The following GABRB3 variants were observed in gnomAD, a reference collection of about 807,000 sequenced individuals.
GABRB3 encodes the protein gamma-aminobutyric acid type A receptor subunit beta3, also known as gamma-aminobutyric acid receptor subunit beta-3.
In GABRB3, 14 loss-of-function variants were observed where a neutral mutation model predicts 52.1. The ratio of observed to expected loss-of-function variants is 0.27; its 90% CI spans 0.18 to 0.42. GABRB3 has a LOEUF of 0.42. Ranked by LOEUF, GABRB3 falls within the 10% of genes least tolerant of loss-of-function variation. The pLI, the probability that GABRB3 is intolerant of heterozygous loss-of-function variation, is 1.00. For missense variants in GABRB3, 307 were observed against 609.1 expected (o/e 0.50, Z 5.22); for synonymous variants, 260 against 232.3 (o/e 1.12, Z -1.08).
intron 3 of GABRB3, chr15:26,624,251 G>A: frequency 5.1e-6 from 5 of 985,740 alleles, no homozygotes; most frequent in Non-Finnish European, 6.0e-6. Context: ...GGCGTGCAAA[G>A]TTGTGGTTTC....
At chr15:26,623,665 T>A (rs1035489399) in intron 3 of GABRB3, among the ~76,000 whole-genome samples, 7 of 152,190 alleles carry the variant, frequency 4.6e-5, no homozygotes, top group African/African-American at 1.4e-4. Context: ...GCTTGCACAT[T>A]CTGGGGTCCC....
At chr15:26,762,521 A>G (rs2140185016) in intron 3 of GABRB3, among the ~76,000 whole-genome samples, 2 of 152,280 alleles carry the variant, frequency 1.3e-5, no homozygotes, top group Non-Finnish European at 2.9e-5. Flanking sequence ...ACCCCTTCAC[A>G]AAGAAAAAAA....
At chr15:26,653,336 G>T (rs1887256377) in intron 3 of GABRB3, among the ~76,000 whole-genome samples, 1 of 152,136 alleles carries the variant, frequency 6.6e-6, no homozygotes, top group Non-Finnish European at 1.5e-5. Flanking sequence ...TGGTGTTCAA[G>T]GTATTTTTCA....
At chr15:26,566,125 G>A (rs1274978124) in intron 7 of GABRB3, among the ~76,000 whole-genome samples, 1 of 152,112 alleles carries the variant, frequency 6.6e-6, no homozygotes, top group Admixed American at 6.5e-5. Flanking sequence ...AAGTCCTGGA[G>A]ATTTTTTTTC....
intron 3 of GABRB3, among the ~76,000 whole-genome samples, chr15:26,770,285 G>A (rs1891110642): frequency 1.3e-5 from 2 of 152,186 alleles, no homozygotes; most frequent in Admixed American, 1.3e-4. Flanking sequence ...ATAGGTGTGT[G>A]TTTACAGAGC....
At chr15:26,772,592 C>A (rs1482451120) in intron 2 of GABRB3, 89 bp downstream of exon 2, 5 of 1,438,366 alleles carry the variant, frequency 3.5e-6, no homozygotes, top group Non-Finnish European at 3.7e-6. Flanking sequence ...CCCGCCGCTG[C>A]TCCGCGGATG....
chr15:26,590,685 T>A (rs1257571656), intron 4 of GABRB3, among the ~76,000 whole-genome samples: 2 of 151,144 alleles, frequency 1.3e-5, no homozygotes, highest in African/African-American at 5.0e-5. Flanking sequence ...AACACATTCA[T>A]AGAACTATCC....
At chr15:26,690,628 G>C (rs1888558906) in intron 3 of GABRB3, among the ~76,000 whole-genome samples, 2 of 151,856 alleles carry the variant, frequency 1.3e-5, no homozygotes, top group African/African-American at 4.8e-5. Context: ...TTCCAGGGCA[G>C]ACGGCTGGCA....
At chr15:26,628,913 G>T in intron 3 of GABRB3, 1 of 1,457,210 alleles carries the variant, frequency 6.9e-7, no homozygotes, top group Non-Finnish European at 9.3e-7. Flanking sequence ...AGGTGTGGGG[G>T]AGTCAGGTGC....
intron 7 of GABRB3, among the ~76,000 whole-genome samples, chr15:26,562,001 ATT>A (rs1302713266): frequency 6.6e-6 from 1 of 152,168 alleles, no homozygotes; most frequent in African/African-American, 2.4e-5. Flanking sequence ...GGATGATCTC[ATT>A]GTTTCCCAAA....
chr15:26,605,010 A>T (rs1039705196), intron 4 of GABRB3, among the ~76,000 whole-genome samples: 4 of 152,272 alleles, frequency 2.6e-5, no homozygotes, highest in African/African-American at 9.6e-5. Context: ...ATATTTGCAA[A>T]CTACCCATTT....
intron 4 of GABRB3, chr15:26,615,896 A>T (rs1892237278): frequency 7.9e-7 from 1 of 1,269,520 alleles, no homozygotes; most frequent in East Asian, 5.6e-5. Context: ...TCAAGCACAT[A>T]ATCAGTAGGA....
chr15:26,751,463 T>TA (rs1890505220), intron 3 of GABRB3, among the ~76,000 whole-genome samples: 2 of 152,066 alleles, frequency 1.3e-5, no homozygotes, highest in African/African-American at 2.4e-5. Context: ...TTTCCTTCGT[T>TA]AAAAAAGGGC....
At chr15:26,706,262 C>T (rs909844270) in intron 3 of GABRB3, among the ~76,000 whole-genome samples, 2 of 152,174 alleles carry the variant, frequency 1.3e-5, no homozygotes, top group Non-Finnish European at 2.9e-5. Flanking sequence ...CAATACCCGC[C>T]TCATGCAACG....
intron 3 of GABRB3, among the ~76,000 whole-genome samples, chr15:26,674,698 T>C (rs923702007): frequency 6.6e-6 from 1 of 152,128 alleles, no homozygotes; most frequent in African/African-American, 2.4e-5. Flanking sequence ...CTCTGGGGAA[T>C]GACTTTGAGC....
At chr15:26,740,272 T>A (rs545760737) in intron 3 of GABRB3, among the ~76,000 whole-genome samples, 103 of 152,078 alleles carry the variant, frequency 6.8e-4, no homozygotes, top group Non-Finnish European at 1.1e-3. Flanking sequence ...ACACTCAGGA[T>A]AATGTGAAAA....
At chr15:26,571,686 A>G (rs1029598372) in intron 6 of GABRB3, among the ~76,000 whole-genome samples, 1 of 152,162 alleles carries the variant, frequency 6.6e-6, no homozygotes, top group African/African-American at 2.4e-5. Flanking sequence ...TCAAAAACAC[A>G]TTACTCTCTG....
At chr15:26,769,199 G>A (rs1339673500) in intron 3 of GABRB3, among the ~76,000 whole-genome samples, 3 of 152,176 alleles carry the variant, frequency 2.0e-5, no homozygotes, top group African/African-American at 7.2e-5. Context: ...TCCCCATTTT[G>A]AGATACGTGT....
intron 3 of GABRB3, among the ~76,000 whole-genome samples, chr15:26,771,379 C>A (rs1891138375): frequency 6.6e-6 from 1 of 152,110 alleles, no homozygotes; most frequent in South Asian, 2.1e-4. Flanking sequence ...CCACGTGATT[C>A]CGACGTACAC....
Sources: allele counts gnomAD v4.1 joint callset (sites outside exome capture counted in the v4.1 genomes callset), GRCh38; gene constraint gnomAD v4.1.1; transcripts MANE v1.5; gene names NCBI Gene and HGNC (gene_info 2026-07-23, HGNC 2026-07-21).